LPP: variants seen among roughly 807,000 people sequenced by gnomAD.
LPP encodes the protein lipoma-preferred partner.
A neutral mutation model predicts 60.4 loss-of-function variants in LPP; 38 were observed. The observed-to-expected ratio is 0.63, with a 90% CI of 0.49 to 0.83. The LOEUF (loss-of-function observed/expected upper bound fraction) is 0.83, where lower values mean the gene tolerates loss of function less well. LPP is among the 40% of genes least tolerant of loss of function. The pLI is 0.00. For missense variants in LPP, 902 were observed against 783.6 expected, an observed-to-expected ratio of 1.15 and a Z score of -1.80; for synonymous variants, 328 against 290.8, an observed-to-expected ratio of 1.13 and a Z score of -1.30.
intron 2 of LPP, among the ~76,000 whole-genome samples, chr3:188,280,826 C>T (rs1741719912): frequency 6.6e-6 from 1 of 152,108 alleles, no homozygotes; most frequent in Admixed American, 6.5e-5. Flanking sequence ...AATCCAGAGT[C>T]CAGGTCATTG....
At chr3:188,351,542 G>A (rs1403050) in intron 3 of LPP, among the ~76,000 whole-genome samples, 101,050 of 152,006 alleles carry the variant, frequency 0.66, 35,402 homozygotes, top group Non-Finnish European at 0.8. Context: ...ATGGAAAGAA[G>A]TAGACATTCA....
intron 2 of LPP, among the ~76,000 whole-genome samples, chr3:188,332,762 G>A (rs1000466759): frequency 1.3e-5 from 2 of 152,088 alleles, no homozygotes; most frequent in Admixed American, 1.3e-4. Flanking sequence ...GCTTCTTATC[G>A]GGGAGACACT....
intron 2 of LPP, among the ~76,000 whole-genome samples, chr3:188,252,091 CAT>C (rs1334741148): frequency 2.9e-5 from 3 of 103,544 alleles, no homozygotes; most frequent in African/African-American, 3.3e-5. Context: ...CACACACACA[CAT>C]ATATCAGATT....
chr3:188,313,493 C>T (rs943487297), intron 2 of LPP, among the ~76,000 whole-genome samples: 1 of 151,984 alleles, frequency 6.6e-6, no homozygotes, highest in African/African-American at 2.4e-5. Flanking sequence ...CAAAAATTAG[C>T]CAAGTGTGGT....
intron 2 of LPP, among the ~76,000 whole-genome samples, chr3:188,266,746 A>T (rs534916586): frequency 2.0e-5 from 3 of 152,154 alleles, no homozygotes; most frequent in Non-Finnish European, 4.4e-5. Context: ...AGTTATTGCC[A>T]TGCGGGTGGC....
intron 4 of LPP, among the ~76,000 whole-genome samples, chr3:188,424,526 A>G (rs1788766627): frequency 6.6e-6 from 1 of 152,144 alleles, no homozygotes; most frequent in Non-Finnish European, 1.5e-5. Flanking sequence ...ATAGCATTGA[A>G]TCTGTAAATT....
chr3:188,240,298 T>G (rs1723680596), intron 2 of LPP: 2 of 168,110 alleles, frequency 1.2e-5, no homozygotes, highest in Middle Eastern at 2.5e-3. Flanking sequence ...ACAGCTTGCC[T>G]AACAAGGTTG....
intron 9 of LPP, among the ~76,000 whole-genome samples, chr3:188,776,067 G>A (rs557373863): frequency 2.6e-5 from 4 of 152,232 alleles, no homozygotes; most frequent in African/African-American, 7.2e-5. Flanking sequence ...GGAATACAGC[G>A]CAGTGTGAGA....
intron 3 of LPP, among the ~76,000 whole-genome samples, chr3:188,378,351 C>T (rs1433660613): frequency 3.9e-5 from 6 of 152,204 alleles, no homozygotes; most frequent in Non-Finnish European, 7.3e-5. Context: ...GTGGTGGGCT[C>T]CACCGAGTTC....
At chr3:188,605,308 A>T (rs1045977043) in intron 6 of LPP, among the ~76,000 whole-genome samples, 6 of 152,130 alleles carry the variant, frequency 3.9e-5, no homozygotes, top group Admixed American at 1.3e-4. Flanking sequence ...TGAGTTATGG[A>T]ATTCCCTATT....
At position 188,559,349 on chromosome 3, in the gene LPP, T is replaced by C. The variant is rs567507001; in HGVS notation, c.429+34562T>C. On this transcript the variant is annotated intron_variant, in intron 6 of 11. Coordinates refer to ENST00000617246, the MANE Select transcript of LPP (RefSeq NM_001375462.1). The stretch of plus-strand genomic sequence containing the variant: ...TGGGTCCTAAATGTTCTATCAGATA[T>C]ATATGTAGTGTAACCTGTTCAGGAT... Among the ~76,000 whole-genome samples, 230 of 152,216 alleles carry C rather than the reference T, an allele frequency of 1.5e-3. 1 individual carries two copies. The highest frequency in any genetic ancestry group is 5.4e-3 in the African/African-American group (223 of 41,546).
rs543079052 is a variant in LPP at position 188,310,352 on chromosome 3, G to A, written c.-66-31311G>A. The stretch of plus-strand genomic sequence containing the variant: ...CTGTGTGTATTCTGTGGTGATCCAT[G>A]TTCACAAGGAGAGACAGGCCAAGGA... On this transcript the variant is annotated intron_variant, in intron 2 of 11. Transcript: ENST00000617246. 1.4e-4 allele frequency among the ~76,000 whole-genome samples: 21 copies of A among 151,974 alleles called. No individual in the cohort carries two copies. In the South Asian group the frequency reaches 4.0e-3, roughly 29 times the overall value.
chr3:188,582,889 TCTC>T (rs1276926957), intron 6 of LPP, among the ~76,000 whole-genome samples: 1 of 152,204 alleles, frequency 6.6e-6, no homozygotes, highest in Non-Finnish European at 1.5e-5. Flanking sequence ...TCTTTCTACT[TCTC>T]CTCATTTCTG....
chr3:188,741,590 C>A (rs1457953110), intron 8 of LPP, among the ~76,000 whole-genome samples: 1 of 146,252 alleles, frequency 6.8e-6, no homozygotes, highest in Non-Finnish European at 1.5e-5. Context: ...TTTTGGTTCT[C>A]TCAGCAGTGT....
intron 7 of LPP, among the ~76,000 whole-genome samples, chr3:188,630,092 A>C (rs1847581702): frequency 6.6e-6 from 1 of 152,208 alleles, no homozygotes; most frequent in Non-Finnish European, 1.5e-5. Context: ...GGTCTCCGAA[A>C]GCAATTGCAA....
intron 8 of LPP, among the ~76,000 whole-genome samples, chr3:188,755,221 C>T (rs780873629): frequency 2.6e-5 from 4 of 152,108 alleles, no homozygotes; most frequent in Admixed American, 2.6e-4. Flanking sequence ...GCAAGGAAGA[C>T]ATAAAGAAAA....
At chr3:188,485,173 C>T (rs539677300) in intron 5 of LPP, among the ~76,000 whole-genome samples, 1 of 152,132 alleles carries the variant, frequency 6.6e-6, no homozygotes. Context: ...CATCAAATAT[C>T]CTTAGGATTT....
chr3:188,363,362 C>CTAGA (rs1338902103), intron 3 of LPP, among the ~76,000 whole-genome samples: 1 of 152,224 alleles, frequency 6.6e-6, no homozygotes, highest in Non-Finnish European at 1.5e-5. Flanking sequence ...AACAGTACAA[C>CTAGA]TAGATGTTCA....
At chr3:188,647,905 A>G (rs764627246) in intron 7 of LPP, among the ~76,000 whole-genome samples, 2 of 152,218 alleles carry the variant, frequency 1.3e-5, no homozygotes, top group Admixed American at 1.3e-4. Context: ...TGGTCAGCAC[A>G]TAAGGCCTGT....
Sources: allele counts gnomAD v4.1 joint callset (sites outside exome capture counted in the v4.1 genomes callset), GRCh38; gene constraint gnomAD v4.1.1; transcripts MANE v1.5; gene names NCBI Gene and HGNC (gene_info 2026-07-23, HGNC 2026-07-21).